The following CNTNAP2 variants were observed in gnomAD, a reference collection of about 807,000 sequenced individuals.
CNTNAP2 encodes contactin-associated protein-like 2.
A neutral mutation model predicts 155.2 loss-of-function variants in CNTNAP2; 98 were observed. The ratio of observed to expected loss-of-function variants is 0.63; its 90% confidence interval spans 0.54 to 0.75. The LOEUF (loss-of-function observed/expected upper bound fraction) is 0.75. Ranked by LOEUF, CNTNAP2 falls within the 30% of genes least tolerant of loss-of-function variation. The pLI is 0.00. For synonymous variants in CNTNAP2, 651 were observed against 631.2 expected (o/e 1.03, Z -0.47); for missense variants, 1,727 against 1,688.1 (o/e 1.02, Z -0.40).
chr7:146,374,455 C>A (rs981126125), intron 1 of CNTNAP2, among the ~76,000 whole-genome samples: 1 of 152,052 alleles, frequency 6.6e-6, no homozygotes, highest in East Asian at 1.9e-4. Flanking sequence ...AACGGGATGA[C>A]TAGAAAGATA....
rs560070611 is a variant in CNTNAP2, at chr7:146,177,172, A to G, written c.97+60199A>G. ...TAAATTTTGAATGACTCTAATGTCT[A>G]CAGCATTTCCTGAATTTTACATCTG... On this transcript the variant is annotated intron_variant, in intron 1 of 23. Coordinates refer to ENST00000361727, the MANE Select transcript of CNTNAP2 (RefSeq NM_014141.6). Among the ~76,000 whole-genome samples, 227 of 152,340 alleles carry G rather than the reference A, an allele frequency of 1.5e-3. 1 individual carries two copies. Among genetic ancestry groups the G allele is most frequent in the African/African-American group, 5.4e-3 (224 of 41,572 alleles).
intron 3 of CNTNAP2, among the ~76,000 whole-genome samples, chr7:146,961,315 G>A (rs1346974683): frequency 6.6e-6 from 1 of 152,168 alleles, no homozygotes; most frequent in Non-Finnish European, 1.5e-5. Context: ...AATAAAGAAT[G>A]CAACCATTAG....
At chr7:146,609,515 CTGTT>C (rs1314035712) in intron 1 of CNTNAP2, among the ~76,000 whole-genome samples, 2 of 152,272 alleles carry the variant, frequency 1.3e-5, no homozygotes, top group East Asian at 3.9e-4. Flanking sequence ...AAACATCAGT[CTGTT>C]TGCTGTTCAT....
chr7:147,128,602 T>G, intron 6 of CNTNAP2, 91 bp from the exon 7 acceptor site: 1 of 1,420,606 alleles, frequency 7.0e-7, no homozygotes, highest in African/African-American at 1.4e-5. Flanking sequence ...TTGGTTGAGG[T>G]ATAGATACTT....
intron 1 of CNTNAP2, among the ~76,000 whole-genome samples, chr7:146,559,919 A>G (rs1798255231): frequency 6.6e-6 from 1 of 152,276 alleles, no homozygotes; most frequent in Non-Finnish European, 1.5e-5. Flanking sequence ...ACACACCCAC[A>G]CACATTTACA....
chr7:146,973,044 T>C (rs1328816396), intron 3 of CNTNAP2, among the ~76,000 whole-genome samples: 1 of 152,202 alleles, frequency 6.6e-6, no homozygotes, highest in East Asian at 1.9e-4. Flanking sequence ...CTCTCTCTTT[T>C]TTAAAGGAAG....
intron 1 of CNTNAP2, among the ~76,000 whole-genome samples, chr7:146,413,308 G>A (rs775336908): frequency 1.3e-5 from 2 of 152,066 alleles, no homozygotes; most frequent in African/African-American, 2.4e-5. Context: ...CTTATTTCAC[G>A]GCTTCAGGTT....
At chr7:146,673,806 G>T (rs1800349578) in intron 1 of CNTNAP2, among the ~76,000 whole-genome samples, 1 of 152,038 alleles carries the variant, frequency 6.6e-6, no homozygotes, top group East Asian at 1.9e-4. Context: ...TGGTCTCAAA[G>T]TAGTGGCTTC....
chr7:148,129,548 A>G (rs1804784672), intron 16 of CNTNAP2, among the ~76,000 whole-genome samples: 4 of 152,206 alleles, frequency 2.6e-5, no homozygotes, highest in African/African-American at 9.7e-5. Flanking sequence ...TTTACCGTGT[A>G]TAAATTACAG....
chr7:146,416,618 CT>C (rs1203025592), intron 1 of CNTNAP2, among the ~76,000 whole-genome samples: 2 of 152,000 alleles, frequency 1.3e-5, no homozygotes, highest in Non-Finnish European at 2.9e-5. Flanking sequence ...AAAGAAAGAC[CT>C]TTCTAACCCT....
At position 146,735,252 on chromosome 7, in the gene CNTNAP2, T is replaced by G. The variant is rs139317318; in HGVS notation, c.98-39019T>G. 3.9e-4 allele frequency among the ~76,000 whole-genome samples: 60 copies of G among 152,294 alleles called. No individual in the cohort carries two copies. The East Asian group carries it at 0.011, about 27-fold the overall frequency. On this transcript the variant is annotated intron_variant, in intron 1 of 23. Coordinates refer to ENST00000361727, the MANE Select transcript of CNTNAP2 (RefSeq NM_014141.6). ...AGTCAATATGGTTTTACATTAGAGC[T>G]TTTAAAAACTTAGTTTGTGGCCAGG...
intron 3 of CNTNAP2, among the ~76,000 whole-genome samples, chr7:147,027,179 A>G (rs774198504): frequency 6.6e-6 from 1 of 152,136 alleles, no homozygotes; most frequent in Non-Finnish European, 1.5e-5. Flanking sequence ...GTGGCCATCT[A>G]TTTAAAGTTT....
chr7:146,916,204 G>C (rs1018493052), intron 3 of CNTNAP2, among the ~76,000 whole-genome samples: 1 of 152,100 alleles, frequency 6.6e-6, no homozygotes, highest in South Asian at 2.1e-4. Flanking sequence ...TTGATATGCT[G>C]TTGGACTTGG....
At chr7:146,681,095 A>G (rs1007171103) in intron 1 of CNTNAP2, among the ~76,000 whole-genome samples, 10 of 151,978 alleles carry the variant, frequency 6.6e-5, no homozygotes, top group Admixed American at 1.3e-4. Context: ...ACAGAGTGCT[A>G]TGGGAAAAGA....
At chr7:146,673,015 A>G (rs1479818070) in intron 1 of CNTNAP2, among the ~76,000 whole-genome samples, 1 of 152,100 alleles carries the variant, frequency 6.6e-6, no homozygotes, top group African/African-American at 2.4e-5. Flanking sequence ...TTTCTTATCA[A>G]AATTCTTCCT....
At chr7:147,893,674 C>G (rs1385167244) in intron 13 of CNTNAP2, among the ~76,000 whole-genome samples, 1 of 152,158 alleles carries the variant, frequency 6.6e-6, no homozygotes, top group Non-Finnish European at 1.5e-5. Context: ...AAACCCTTCC[C>G]TATACTTACC....
intron 1 of CNTNAP2, among the ~76,000 whole-genome samples, chr7:146,763,558 T>C (rs189278203): frequency 5.1e-4 from 78 of 152,306 alleles, no homozygotes; most frequent in Admixed American, 1.3e-3. Flanking sequence ...ATATTAACTT[T>C]GCACTCAGCG....
At position 147,346,450 on chromosome 7, in the gene CNTNAP2, G is replaced by A. The variant is rs538180961; in HGVS notation, c.1498+46160G>A. On this transcript the variant is annotated intron_variant, in intron 9 of 23. Transcript: ENST00000361727. The stretch of plus-strand genomic sequence containing the variant: ...ATTACAGGCGTGAGCCACCGCGCCC[G>A]GCCCATAATCGAAGATTTTAAAGCA... Among the ~76,000 whole-genome samples, 117 of 152,238 alleles carry A rather than the reference G, an allele frequency of 7.7e-4. 1 individual carries two copies. Among genetic ancestry groups the A allele is most frequent in the Non-Finnish European group, 4.7e-4 (32 of 68,014 alleles).
intron 3 of CNTNAP2, among the ~76,000 whole-genome samples, chr7:146,896,252 C>A (rs994116433): frequency 1.3e-5 from 2 of 152,030 alleles, no homozygotes; most frequent in African/African-American, 4.8e-5. Context: ...TTTATTATCA[C>A]CCCCAACCCA....
Sources: gnomAD v4.1 joint callset for allele counts (sites outside exome capture counted in the v4.1 genomes callset) on GRCh38, gnomAD v4.1.1 for gene constraint, MANE v1.5 for transcripts, NCBI Gene and HGNC (gene_info 2026-07-23, HGNC 2026-07-21) for gene names.